The following STK10 variants were observed in gnomAD, a reference collection of about 807,000 sequenced individuals.
STK10 encodes serine/threonine kinase 10.
STK10 carries 78 observed loss-of-function variants against 113.8 expected under a neutral mutation model. The observed-to-expected ratio is 0.69, with a 90% CI of 0.57 to 0.83. The LOEUF (loss-of-function observed/expected upper bound fraction) is 0.83. Ranked by LOEUF, STK10 falls within the 40% of genes least tolerant of loss-of-function variation. The pLI, the probability that STK10 is intolerant of heterozygous loss-of-function variation, is 0.00. For synonymous variants in STK10, 465 were observed against 494.7 expected, an observed-to-expected ratio of 0.94 and a Z score of 0.80; for missense variants, 1,109 against 1,280.1, an observed-to-expected ratio of 0.87 and a Z score of 2.04.
At chr5:172,136,249 G>A (rs1288652692) in intron 2 of STK10, among the ~76,000 whole-genome samples, 1 of 152,150 alleles carries the variant, frequency 6.6e-6, no homozygotes, top group Non-Finnish European at 1.5e-5. Context: ...GGATCATGAA[G>A]AAACAGAAGA....
At chr5:172,149,056 A>G (rs944971213) in intron 2 of STK10, among the ~76,000 whole-genome samples, 7 of 152,170 alleles carry the variant, frequency 4.6e-5, no homozygotes, top group Non-Finnish European at 7.4e-5. Context: ...AATCCCAGCT[A>G]CTTGGGAGGC....
rs555178023 is a variant in STK10, at chr5:172,084,191, CG to C, written c.1686-1108del. On this transcript the variant is annotated intron_variant, in intron 10 of 18. Coordinates refer to ENST00000176763, the MANE Select transcript of STK10 (RefSeq NM_005990.4). ...CCGAGGAGGGTGGATCACCTGAGGT[CG>C]GGGGTTCAAGACCAGCCTGACCAAC... Among the ~76,000 whole-genome samples the C allele has an allele frequency of 3.7e-3, 557 of 152,022 alleles. 4 individuals are homozygous for C. Among genetic ancestry groups the C allele is most frequent in the African/African-American group, 0.013 (540 of 41,486 alleles).
At chr5:172,064,685 G>A (rs1428490947) in intron 13 of STK10, 35 bp downstream of exon 13, 16 of 1,609,354 alleles carry the variant, frequency 9.9e-6, no homozygotes, top group Non-Finnish European at 1.4e-5. Context: ...TCTCGCACCA[G>A]CCCCTGCGCT....
intron 1 of STK10, among the ~76,000 whole-genome samples, chr5:172,178,562 G>C (rs1365878101): frequency 6.6e-6 from 1 of 152,192 alleles, no homozygotes; most frequent in South Asian, 2.1e-4. Flanking sequence ...CGCTGTATGA[G>C]CTACTCAGGC....
chr5:172,153,924 C>T (rs538801480), intron 2 of STK10, among the ~76,000 whole-genome samples: 1 of 152,342 alleles, frequency 6.6e-6, no homozygotes, highest in South Asian at 2.1e-4. Flanking sequence ...CTGAAGCCTC[C>T]CCTGACCAGA....
chr5:172,078,844 G>A (rs1458889110), intron 12 of STK10, among the ~76,000 whole-genome samples: 1 of 151,892 alleles, frequency 6.6e-6, no homozygotes, highest in Non-Finnish European at 1.5e-5. Context: ...ACTTTGTTAA[G>A]GGCAAGTTCT....
In STK10 at chr5:172,044,083, CTG is replaced by C. The variant is rs1450415319; in HGVS notation, c.*797_*798del. The stretch of plus-strand genomic sequence containing the variant: ...CAACACCCCGCACGTGCCACACCAA[CTG>C]CTCCACCTAACATGCTCAGTGGCAC... On this transcript the variant is annotated 3_prime_UTR_variant, in exon 19 of 19. Transcript: ENST00000176763. The surrounding 1 kb of genome is among the most constrained non-coding windows in gnomAD (Gnocchi z 4.5). 1 of 152,642 alleles carries C rather than the reference CTG, an allele frequency of 6.6e-6. No individual in the cohort carries two copies. Among genetic ancestry groups the C allele is most frequent in the East Asian group, 1.9e-4 (1 of 5,216 alleles). 9.5% of individuals were successfully genotyped at this position (152,642 alleles called of 1,614,324 possible).
chr5:172,151,504 G>A (rs766650809), intron 2 of STK10, among the ~76,000 whole-genome samples: 2 of 151,950 alleles, frequency 1.3e-5, no homozygotes, highest in African/African-American at 2.4e-5. Context: ...ACGCCACCAC[G>A]CCCGGCTAAC....
intron 10 of STK10, among the ~76,000 whole-genome samples, chr5:172,085,648 C>T (rs1158324837): frequency 6.7e-6 from 1 of 149,666 alleles, no homozygotes. Context: ...GAGATCACAC[C>T]ACTGCACTCC....
chr5:172,161,173 C>T (rs779503534), intron 1 of STK10, among the ~76,000 whole-genome samples: 89 of 152,174 alleles, frequency 5.8e-4, no homozygotes, highest in Middle Eastern at 3.4e-3. Flanking sequence ...AGGGGTGGGC[C>T]GGGTGTGGTG....
intron 1 of STK10, among the ~76,000 whole-genome samples, chr5:172,158,026 G>A (rs1253033733): frequency 6.6e-6 from 1 of 152,194 alleles, no homozygotes; most frequent in Non-Finnish European, 1.5e-5. Flanking sequence ...GTAGATGCAT[G>A]TCACCTAGGC....
At chr5:172,143,852 G>T (rs1214041298) in intron 2 of STK10, among the ~76,000 whole-genome samples, 2 of 152,182 alleles carry the variant, frequency 1.3e-5, no homozygotes, top group African/African-American at 4.8e-5. Flanking sequence ...TTGAATAAAT[G>T]AATGAATAAA....
In STK10 at chr5:172,167,782, G is replaced by A. The variant is rs192888000; in HGVS notation, c.157-10994C>T. On this transcript the variant is annotated intron_variant, in intron 1 of 18. Transcript: ENST00000176763. ...CACACTGTGGCTACCGTATTGAACA[G>A]AGCAGGTACATACAGAACACTTCGA... Among the ~76,000 whole-genome samples the A allele has an allele frequency of 2.9e-3, 436 of 152,314 alleles. 6 individuals carry two copies. The highest frequency in any genetic ancestry group is 0.01 in the African/African-American group (416 of 41,554).
intron 2 of STK10, among the ~76,000 whole-genome samples, chr5:172,144,197 G>C (rs1451104212): frequency 2.0e-5 from 3 of 152,262 alleles, no homozygotes; most frequent in Non-Finnish European, 4.4e-5. Flanking sequence ...GACAGAACCA[G>C]AGTATAGACC....
intron 17 of STK10, among the ~76,000 whole-genome samples, chr5:172,054,361 G>T (rs568852485): frequency 1.3e-5 from 2 of 152,282 alleles, no homozygotes; most frequent in African/African-American, 4.8e-5. Context: ...CCATTTTAGG[G>T]GTGTGAGAGC....
At chr5:172,081,477 T>C (rs1008963476) in intron 12 of STK10, among the ~76,000 whole-genome samples, 3 of 152,196 alleles carry the variant, frequency 2.0e-5, no homozygotes, top group Admixed American at 1.3e-4. Context: ...ACTGGCTTTA[T>C]TGCAGTATTC....
chr5:172,065,524 C>A (rs1198923104), intron 12 of STK10, among the ~76,000 whole-genome samples: 3 of 152,088 alleles, frequency 2.0e-5, no homozygotes, highest in African/African-American at 7.2e-5. Context: ...CGCGCCTGGC[C>A]GAGAATGCAT....
intron 2 of STK10, among the ~76,000 whole-genome samples, chr5:172,146,139 C>T (rs1330523949): frequency 6.6e-6 from 1 of 152,242 alleles, no homozygotes; most frequent in Non-Finnish European, 1.5e-5. Context: ...TCCCTGCCCC[C>T]TGTAGAATGT....
Position 172,188,194 on chromosome 5 carries a change from A to C in STK10, c.-152T>G. ...TTTCCCCGCAGCCCGACCTCGGTCA[A>C]GTGTGCCCTGGGCAGCGCCGCGCCG... On this transcript the variant is annotated 5_prime_UTR_variant, in exon 1 of 19. Coordinates refer to ENST00000176763, the MANE Select transcript of STK10 (RefSeq NM_005990.4). This position sits in a 1 kb window ranked among gnomAD's most constrained non-coding sequence, Gnocchi z 5.6. The C allele has an allele frequency of 7.4e-7, 1 of 1,347,416 alleles. No homozygotes were observed. The highest frequency in any genetic ancestry group is 1.5e-5 in the South Asian group (1 of 67,256). The allele number at this position is 1,347,416 out of a possible 1,614,324, so 83.5% of individuals were successfully genotyped here.
Sources: allele counts gnomAD v4.1 joint callset (sites outside exome capture counted in the v4.1 genomes callset), GRCh38; gene constraint gnomAD v4.1.1; non-coding constraint Gnocchi (gnomAD v3.1); transcripts MANE v1.5; gene names NCBI Gene and HGNC (gene_info 2026-07-23, HGNC 2026-07-21).